PARD3: variants seen among roughly 807,000 people sequenced by gnomAD.
PARD3 encodes the protein partitioning defective 3 homolog.
Under a neutral mutation model 155.4 loss-of-function variants are expected in PARD3, and 75 were observed. That is an observed-to-expected ratio of 0.48 (90% CI 0.40 to 0.58). The LOEUF (loss-of-function observed/expected upper bound fraction) is 0.58, where lower values mean the gene tolerates loss of function less well. Ranked by LOEUF, PARD3 falls within the 20% of genes least tolerant of loss-of-function variation. The pLI is 0.00. For missense variants in PARD3, 1,642 were observed against 1,721.7 expected (o/e 0.95, Z 0.82); for synonymous variants, 576 against 610.5 (o/e 0.94, Z 0.83).
At chr10:34,576,766 A>G (rs1408380) in intron 2 of PARD3, among the ~76,000 whole-genome samples, 53,560 of 152,048 alleles carry the variant, frequency 0.35, 9,720 homozygotes, top group South Asian at 0.43. Context: ...TATAAAACAT[A>G]CAAAACCAAA....
At chr10:34,755,663 C>T (rs918393042) in intron 1 of PARD3, among the ~76,000 whole-genome samples, 1 of 152,136 alleles carries the variant, frequency 6.6e-6, no homozygotes, top group African/African-American at 2.4e-5. Context: ...TTTCCAAGAA[C>T]AGTCTCTCCT....
At chr10:34,413,768 G>A (rs1324847889) in intron 5 of PARD3, among the ~76,000 whole-genome samples, 2 of 152,108 alleles carry the variant, frequency 1.3e-5, no homozygotes, top group Admixed American at 1.3e-4. Flanking sequence ...AATTGGAATT[G>A]CAAGGGAAAG....
At chr10:34,659,219 C>T (rs1282474994) in intron 2 of PARD3, among the ~76,000 whole-genome samples, 2 of 152,128 alleles carry the variant, frequency 1.3e-5, no homozygotes, top group Non-Finnish European at 2.9e-5. Context: ...ATGTCATCTG[C>T]CCTGAGTTTC....
At chr10:34,665,901 AGAACAAAAAG>A (rs1339681798) in intron 2 of PARD3, among the ~76,000 whole-genome samples, 2 of 142,776 alleles carry the variant, frequency 1.4e-5, no homozygotes, top group African/African-American at 5.3e-5. Context: ...AGAACAGAAC[AGAACAAAAAG>A]AAAAGAAAAG....
chr10:34,444,321 T>C (rs934728616), intron 5 of PARD3, among the ~76,000 whole-genome samples: 4 of 152,234 alleles, frequency 2.6e-5, no homozygotes, highest in African/African-American at 9.6e-5. Context: ...CTGCTGCCTC[T>C]TCTGTGGAAT....
chr10:34,791,536 G>T (rs980407633), intron 1 of PARD3, among the ~76,000 whole-genome samples: 1 of 152,114 alleles, frequency 6.6e-6, no homozygotes, highest in East Asian at 1.9e-4. Flanking sequence ...AAGACGCGGG[G>T]ACATGTGGCA....
chr10:34,132,558 G>C (rs1026088568), intron 22 of PARD3, among the ~76,000 whole-genome samples: 1 of 152,072 alleles, frequency 6.6e-6, no homozygotes, highest in Non-Finnish European at 1.5e-5. Context: ...GAGTATTTTC[G>C]CCAAGAGTAA....
chr10:34,546,841 G>A (rs1193974481), intron 2 of PARD3, among the ~76,000 whole-genome samples: 2 of 152,082 alleles, frequency 1.3e-5, no homozygotes, highest in African/African-American at 4.8e-5. Flanking sequence ...CACAATGAAT[G>A]AGCACATTAG....
intron 22 of PARD3, among the ~76,000 whole-genome samples, chr10:34,228,796 C>A (rs939029573): frequency 2.0e-5 from 3 of 152,056 alleles, no homozygotes; most frequent in Non-Finnish European, 2.9e-5. Flanking sequence ...CAAATGCAAG[C>A]TGAGACATCC....
chr10:34,649,461 C>T (rs2092941414), intron 2 of PARD3, among the ~76,000 whole-genome samples: 1 of 152,190 alleles, frequency 6.6e-6, no homozygotes, highest in South Asian at 2.1e-4. Flanking sequence ...ATACTGTAGG[C>T]AACTGGAACA....
At chr10:34,579,550 T>TTC (rs200253096) in intron 2 of PARD3, among the ~76,000 whole-genome samples, 302 of 68,800 alleles carry the variant, frequency 4.4e-3, no homozygotes, top group South Asian at 0.016. Flanking sequence ...AGCTACCATT[T>TTC]TCTCTGTGTG....
intron 2 of PARD3, among the ~76,000 whole-genome samples, chr10:34,580,610 A>C (rs1435923041): frequency 6.6e-6 from 1 of 152,230 alleles, no homozygotes; most frequent in Non-Finnish European, 1.5e-5. Flanking sequence ...GAAAACTGTA[A>C]GTTATCTATT....
At chr10:34,406,581 G>A (rs557534132) in intron 5 of PARD3, among the ~76,000 whole-genome samples, 18 of 152,032 alleles carry the variant, frequency 1.2e-4, no homozygotes, top group Admixed American at 4.6e-4. Flanking sequence ...TTTTTGACAC[G>A]GGGTCTTGCT....
intron 4 of PARD3, among the ~76,000 whole-genome samples, chr10:34,451,257 C>T (rs1237218708): frequency 6.6e-6 from 1 of 152,140 alleles, no homozygotes; most frequent in East Asian, 1.9e-4. Context: ...CTAGGATAAA[C>T]TAGGGGAGTC....
At chr10:34,454,587 TAG>T (rs535415934) in intron 4 of PARD3, among the ~76,000 whole-genome samples, 18 of 152,058 alleles carry the variant, frequency 1.2e-4, no homozygotes, top group African/African-American at 3.6e-4. Context: ...ATTAATTTGT[TAG>T]AGTTATGACT....
intron 5 of PARD3, among the ~76,000 whole-genome samples, chr10:34,439,703 T>C (rs951505116): frequency 3.3e-5 from 5 of 151,510 alleles, no homozygotes; most frequent in African/African-American, 1.2e-4. Flanking sequence ...GTAATCCACC[T>C]GCCTCAGCCT....
At chr10:34,638,563 C>T (rs896700874) in intron 2 of PARD3, among the ~76,000 whole-genome samples, 1 of 152,230 alleles carries the variant, frequency 6.6e-6, no homozygotes, top group African/African-American at 2.4e-5. Flanking sequence ...CACTCAGACC[C>T]ATTTCCTCTG....
intron 22 of PARD3, among the ~76,000 whole-genome samples, chr10:34,187,580 T>C (rs1222582187): frequency 6.6e-6 from 1 of 152,134 alleles, no homozygotes; most frequent in Non-Finnish European, 1.5e-5. Flanking sequence ...CACAAGGAAG[T>C]CACAAAGAAT....
chr10:34,550,987 T>C (rs191901143), intron 2 of PARD3, among the ~76,000 whole-genome samples: 27 of 152,258 alleles, frequency 1.8e-4, no homozygotes, highest in Middle Eastern at 6.8e-3. Context: ...ATGCCATAAG[T>C]AGTAGAGACA....
Sources: allele counts gnomAD v4.1 joint callset (sites outside exome capture counted in the v4.1 genomes callset), GRCh38; gene constraint gnomAD v4.1.1; transcripts MANE v1.5; gene names NCBI Gene and HGNC (gene_info 2026-07-23, HGNC 2026-07-21).